The following ARMC2 variants were observed in gnomAD, a reference collection of about 807,000 sequenced individuals.
ARMC2 encodes the protein armadillo repeat-containing protein 2.
ARMC2 carries 67 observed loss-of-function variants against 90.3 expected under a neutral mutation model. That is an observed-to-expected ratio of 0.74 (90% CI 0.61 to 0.91). The LOEUF (loss-of-function observed/expected upper bound fraction) is 0.91, where lower values mean the gene tolerates loss of function less well. Among genes scored for constraint, ARMC2 ranks in the 40% least tolerant of loss-of-function variants. The pLI is 0.00. For synonymous variants in ARMC2, 393 were observed against 393.0 expected (o/e 1.00, Z 0.00); for missense variants, 920 against 1,030.9 (o/e 0.89, Z 1.47).
At chr6:109,009,603 C>T in the ARMC2 span, 3 of 1,039,300 alleles carry the variant, frequency 2.9e-6, no homozygotes, top group South Asian at 4.6e-5. Flanking sequence ...CCCCGCCCCG[C>T]GCCCGTCATT....
the ARMC2 span, among the ~76,000 whole-genome samples, chr6:108,983,006 C>T: frequency 2.7e-5 from 4 of 150,782 alleles, no homozygotes; most frequent in East Asian, 3.9e-4. Context: ...TGTGTAGAGA[C>T]GGGGGTTTTC....
intron 17 of ARMC2, among the ~76,000 whole-genome samples, chr6:108,972,718 C>T (rs1298974053): frequency 2.0e-5 from 3 of 152,066 alleles, no homozygotes; most frequent in East Asian, 1.9e-4. Context: ...GGCTGGATGG[C>T]GGTGGCATGA....
At chr6:109,040,659 T>TTTC in the ARMC2 span, among the ~76,000 whole-genome samples, 3 of 147,554 alleles carry the variant, frequency 2.0e-5, no homozygotes, top group African/African-American at 4.9e-5. Context: ...AGCATAATCT[T>TTTC]TTTTTTTTTT....
At chr6:108,940,085 A>C (rs1320669648) in intron 12 of ARMC2, among the ~76,000 whole-genome samples, 2 of 151,754 alleles carry the variant, frequency 1.3e-5, no homozygotes, top group Non-Finnish European at 2.9e-5. Flanking sequence ...GCTTTTTTGC[A>C]ATTATTTGTT....
At chr6:108,905,012 A>G (rs887210305) in intron 8 of ARMC2, among the ~76,000 whole-genome samples, 12 of 152,194 alleles carry the variant, frequency 7.9e-5, no homozygotes, top group African/African-American at 2.9e-4. Context: ...ACAAAATGAT[A>G]TCACTGTTTG....
chr6:108,976,534 C>T (rs1778986382), downstream of ARMC2, among the ~76,000 whole-genome samples: 1 of 152,122 alleles, frequency 6.6e-6, no homozygotes, highest in South Asian at 2.1e-4. Flanking sequence ...TTCTCCAATT[C>T]TGTGAAGAAA....
At chr6:108,955,985 T>C (rs911812049) in intron 13 of ARMC2, among the ~76,000 whole-genome samples, 1 of 152,220 alleles carries the variant, frequency 6.6e-6, no homozygotes, top group Admixed American at 6.5e-5. Context: ...TCTTGAAATC[T>C]GCCTTTTAAT....
At chr6:108,947,853 G>T (rs1261658456) in intron 12 of ARMC2, among the ~76,000 whole-genome samples, 1 of 150,718 alleles carries the variant, frequency 6.6e-6, no homozygotes, top group Non-Finnish European at 1.5e-5. Context: ...GCTCTCTCTT[G>T]ATTCATCTTC....
chr6:108,879,591 C>T (rs939354986), intron 5 of ARMC2, among the ~76,000 whole-genome samples: 16 of 141,738 alleles, frequency 1.1e-4, no homozygotes, highest in African/African-American at 3.6e-4. Context: ...CCCACCTGTT[C>T]GTCCATCCAT....
At chr6:108,889,763 A>G (rs1348190419) in intron 5 of ARMC2, among the ~76,000 whole-genome samples, 1 of 151,538 alleles carries the variant, frequency 6.6e-6, no homozygotes, top group Non-Finnish European at 1.5e-5. Flanking sequence ...TTATTCTTTT[A>G]AGGCCCATTT....
chr6:108,859,199 G>T (rs1327727343), intron 3 of ARMC2, among the ~76,000 whole-genome samples: 4 of 152,026 alleles, frequency 2.6e-5, no homozygotes, highest in African/African-American at 7.2e-5. Context: ...CTATGTTCAG[G>T]CACATGAGGC....
At chr6:108,924,016 A>T (rs1443559239) in intron 10 of ARMC2, 2 of 152,056 alleles carry the variant, frequency 1.3e-5, no homozygotes, top group African/African-American at 4.8e-5. Context: ...TGTCCTCTGA[A>T]TAGAAAGAGG....
At chr6:108,941,083 TAGAC>T (rs374326514) in intron 12 of ARMC2, among the ~76,000 whole-genome samples, 3,640 of 152,182 alleles carry the variant, frequency 0.024, 38 homozygotes, top group Middle Eastern at 0.044. Flanking sequence ...GCTAGCTAGC[TAGAC>T]AGACAGACAG....
At chr6:109,012,130 G>C in the ARMC2 span, among the ~76,000 whole-genome samples, 1 of 152,140 alleles carries the variant, frequency 6.6e-6, no homozygotes, top group African/African-American at 2.4e-5. Context: ...TGAACATCCT[G>C]AACACAGAAC....
At chr6:108,888,525 G>C (rs1047514472) in intron 5 of ARMC2, among the ~76,000 whole-genome samples, 2 of 152,234 alleles carry the variant, frequency 1.3e-5, no homozygotes, top group African/African-American at 4.8e-5. Flanking sequence ...TTTGTTTCAT[G>C]CAGTTCCAAT....
At chr6:109,027,390 T>C in the ARMC2 span, among the ~76,000 whole-genome samples, 1 of 149,870 alleles carries the variant, frequency 6.7e-6, no homozygotes, top group Admixed American at 6.7e-5. Flanking sequence ...GGCAGGAGAA[T>C]TGCTTGAACC....
At chr6:108,920,972 C>T (rs1774504710) in intron 10 of ARMC2, among the ~76,000 whole-genome samples, 1 of 152,170 alleles carries the variant, frequency 6.6e-6, no homozygotes, top group Non-Finnish European at 1.5e-5. Flanking sequence ...GAGGCTCCTA[C>T]TGTGTCTGAG....
chr6:108,854,814 T>A (rs1277484947), intron 2 of ARMC2, among the ~76,000 whole-genome samples: 1 of 152,208 alleles, frequency 6.6e-6, no homozygotes, highest in African/African-American at 2.4e-5. Flanking sequence ...TTGGACAAAT[T>A]TCTGATGACA....
chr6:108,975,675 T>C (rs2128523193), downstream of ARMC2, among the ~76,000 whole-genome samples: 1 of 152,364 alleles, frequency 6.6e-6, no homozygotes, highest in Non-Finnish European at 1.5e-5. Flanking sequence ...TGTTGTTTCC[T>C]GACTTTTAAT....
Sources: gnomAD v4.1 joint callset for allele counts (sites outside exome capture counted in the v4.1 genomes callset) on GRCh38, gnomAD v4.1.1 for gene constraint, MANE v1.5 for transcripts, NCBI Gene and HGNC (gene_info 2026-07-23, HGNC 2026-07-21) for gene names.